Variants in DNAJC15 observed in about 807,000 individuals in gnomAD.
DNAJC15 encodes DnaJ heat shock protein family (Hsp40) member C15, also known as dnaJ homolog subfamily C member 15.
In DNAJC15, 27 loss-of-function variants were observed where a neutral mutation model predicts 22.4. The observed-to-expected ratio is 1.20, with a 90% CI of 0.89 to 1.66. The LOEUF (loss-of-function observed/expected upper bound fraction) is 1.66, where lower values mean the gene tolerates loss of function less well. Ranked by LOEUF, DNAJC15 falls within the 40% of genes most tolerant of loss-of-function variation. The pLI, the probability that DNAJC15 is intolerant of heterozygous loss-of-function variation, is 0.00. For missense variants in DNAJC15, 208 were observed against 187.1 expected (o/e 1.11, Z -0.65); for synonymous variants, 79 against 63.2 (o/e 1.25, Z -1.19).
At chr13:43,071,258 C>T (rs2040607258) in intron 3 of DNAJC15, among the ~76,000 whole-genome samples, 3 of 152,150 alleles carry the variant, frequency 2.0e-5, no homozygotes, top group Admixed American at 6.5e-5. Flanking sequence ...TTCAGTGGCT[C>T]ATATGACCTG....
chr13:43,046,369 T>C (rs867939927), intron 1 of DNAJC15, among the ~76,000 whole-genome samples: 19 of 152,160 alleles, frequency 1.2e-4, no homozygotes, highest in Admixed American at 1.0e-3. Context: ...ACACATAAAA[T>C]ATGAGCTACA....
At chr13:43,053,513 A>G (rs1273689517) in intron 1 of DNAJC15, among the ~76,000 whole-genome samples, 1 of 152,102 alleles carries the variant, frequency 6.6e-6, no homozygotes, top group Non-Finnish European at 1.5e-5. Context: ...CATTTTCACA[A>G]TATTGATTCT....
At chr13:43,085,968 C>T (rs763777316) in intron 5 of DNAJC15, 130 bp downstream of exon 5, 1 of 724,010 alleles carries the variant, frequency 1.4e-6, no homozygotes, top group Non-Finnish European at 2.2e-6. Context: ...ATTTTTTTCT[C>T]ATAAATGAGC....
At chr13:43,094,231 G>A (rs1487078135) in intron 5 of DNAJC15, among the ~76,000 whole-genome samples, 22 of 150,790 alleles carry the variant, frequency 1.5e-4, no homozygotes, top group Admixed American at 1.4e-3. Context: ...TCATTCATTG[G>A]TCAAATACTG....
intron 5 of DNAJC15, among the ~76,000 whole-genome samples, chr13:43,103,317 A>C (rs2153442344): frequency 6.6e-6 from 1 of 152,058 alleles, no homozygotes; most frequent in Middle Eastern, 3.4e-3. Flanking sequence ...GCTTTTGTAA[A>C]ATACAATGAA....
intron 1 of DNAJC15, among the ~76,000 whole-genome samples, chr13:43,025,224 G>A (rs1376827727): frequency 6.6e-6 from 1 of 152,190 alleles, no homozygotes; most frequent in African/African-American, 2.4e-5. Context: ...AGTATTCAGT[G>A]TATGATACAG....
chr13:43,054,433 G>T (rs988821501), intron 1 of DNAJC15, among the ~76,000 whole-genome samples: 2 of 152,164 alleles, frequency 1.3e-5, no homozygotes, highest in Non-Finnish European at 2.9e-5. Context: ...GAATGATTTA[G>T]GGAGGATTCC....
rs2040809054 is a variant in DNAJC15 at position 43,108,473 on chromosome 13, C to A, written c.*1225C>A. ...AGTGCCAGCATTGTTTCCCAGTATTCCTTTACAAATCTTGGGTTCATTCCA... is the reference window on the plus strand; with the variant it reads ...AGTGCCAGCATTGTTTCCCAGTATTACTTTACAAATCTTGGGTTCATTCCA... On this transcript the variant is annotated 3_prime_UTR_variant, in exon 6 of 6. Transcript: ENST00000379221. 1 of 152,132 alleles carries A rather than the reference C, an allele frequency of 6.6e-6. No homozygotes were observed. Among genetic ancestry groups the A allele is most frequent in the African/African-American group, 2.4e-5 (1 of 41,430 alleles). The allele number at this position is 152,132 out of a possible 1,614,324, so 9.4% of individuals were successfully genotyped here.
chr13:43,066,316 TTTCCTTACCC>T (rs932674623), intron 2 of DNAJC15, among the ~76,000 whole-genome samples: 3 of 152,084 alleles, frequency 2.0e-5, no homozygotes, highest in African/African-American at 7.2e-5. Flanking sequence ...GGAGAAGCCC[TTTCCTTACCC>T]TTCCTGGCCT....
chr13:43,069,800 C>T (rs550145040), intron 3 of DNAJC15, among the ~76,000 whole-genome samples: 142 of 152,180 alleles, frequency 9.3e-4, no homozygotes, highest in African/African-American at 3.3e-3. Flanking sequence ...GATGGGGACT[C>T]ACTAAATGTT....
At chr13:43,105,391 C>G (rs182743393) in intron 5 of DNAJC15, among the ~76,000 whole-genome samples, 1 of 152,140 alleles carries the variant, frequency 6.6e-6, no homozygotes, top group Non-Finnish European at 1.5e-5. Flanking sequence ...CTTGAAGAGA[C>G]TATAAGAATT....
At chr13:43,090,200 A>C (rs1338683001) in intron 5 of DNAJC15, among the ~76,000 whole-genome samples, 1 of 152,250 alleles carries the variant, frequency 6.6e-6, no homozygotes, top group African/African-American at 2.4e-5. Context: ...CAGATAAAGA[A>C]GCAAAGTAGA....
In DNAJC15 at chr13:43,113,835, C is replaced by T. The variant is rs114377195; in HGVS notation, c.*6587C>T. ...GTATAGTCTGCATCTCTCAGGCTGC[C>T]CCAGAATGTTGTACAGTGCAGTGCT... is the stretch of plus-strand genomic sequence containing the variant. On this transcript the variant is annotated 3_prime_UTR_variant, in exon 6 of 6. Transcript: ENST00000379221. The T allele has an allele frequency of 1.3e-3, 196 of 152,288 alleles. 1 individual carries two copies. The highest frequency in any genetic ancestry group is 4.5e-3 in the African/African-American group (185 of 41,558). 9.4% of individuals were successfully genotyped at this position (152,288 alleles called of 1,614,324 possible).
intron 1 of DNAJC15, among the ~76,000 whole-genome samples, chr13:43,038,674 A>C (rs2040439545): frequency 6.6e-6 from 1 of 151,902 alleles, no homozygotes; most frequent in Non-Finnish European, 1.5e-5. Context: ...CTCCTGTAGT[A>C]CCAGCTACTC....
intron 1 of DNAJC15, among the ~76,000 whole-genome samples, chr13:43,050,276 G>A (rs1193922658): frequency 6.6e-6 from 1 of 152,044 alleles, no homozygotes; most frequent in Non-Finnish European, 1.5e-5. Context: ...AACTTTATAA[G>A]TACTTTTATT....
chr13:43,085,531 T>TA (rs759366125), intron 4 of DNAJC15, among the ~76,000 whole-genome samples: 21 of 152,308 alleles, frequency 1.4e-4, no homozygotes, highest in Non-Finnish European at 2.6e-4. Flanking sequence ...TTTTGTTTTT[T>TA]AAATTGATTG....
At chr13:43,042,307 T>C (rs577108393) in intron 1 of DNAJC15, among the ~76,000 whole-genome samples, 1 of 152,318 alleles carries the variant, frequency 6.6e-6, no homozygotes, top group African/African-American at 2.4e-5. Flanking sequence ...TATGTGAGTA[T>C]GGTCTCTCTT....
At chr13:43,063,794 G>A (rs1262426400) in intron 1 of DNAJC15, among the ~76,000 whole-genome samples, 1 of 152,212 alleles carries the variant, frequency 6.6e-6, no homozygotes, top group East Asian at 1.9e-4. Context: ...GGTAGGCAAA[G>A]ATGAGTGTTT....
intron 5 of DNAJC15, among the ~76,000 whole-genome samples, chr13:43,088,282 G>A (rs1021532913): frequency 2.1e-4 from 32 of 152,222 alleles, no homozygotes; most frequent in Non-Finnish European, 3.7e-4. Flanking sequence ...GATTGGAAAT[G>A]TTTAAAATAT....
Sources: gnomAD v4.1 joint callset for allele counts (sites outside exome capture counted in the v4.1 genomes callset) on GRCh38, gnomAD v4.1.1 for gene constraint, MANE v1.5 for transcripts, NCBI Gene and HGNC (gene_info 2026-07-23, HGNC 2026-07-21) for gene names.